The following ST7 variants were observed in gnomAD, a reference collection of about 807,000 sequenced individuals.
ST7 encodes the protein suppressor of tumorigenicity 7 protein.
In ST7, 28 loss-of-function variants were observed where a neutral mutation model predicts 78.7. That is an observed-to-expected ratio of 0.36 (90% CI 0.26 to 0.49). The LOEUF (loss-of-function observed/expected upper bound fraction) is 0.49. Ranked by LOEUF, ST7 falls within the 20% of genes least tolerant of loss-of-function variation. The pLI is 0.99. For missense variants in ST7, 418 were observed against 696.0 expected (o/e 0.60, Z 4.49); for synonymous variants, 247 against 249.6 (o/e 0.99, Z 0.10).
At chr7:117,040,091 A>T (rs762321827) in intron 1 of ST7, among the ~76,000 whole-genome samples, 1 of 152,102 alleles carries the variant, frequency 6.6e-6, no homozygotes, top group Non-Finnish European at 1.5e-5. Flanking sequence ...ACAGAGCTAG[A>T]GGCTGGGCTC....
Position 117,073,481 on chromosome 7 carries a change from A to G in ST7, c.152-26281A>G, listed in dbSNP as rs755681524. On this transcript the variant is annotated intron_variant, in intron 1 of 15. Coordinates refer to ENST00000323984, the MANE Select transcript of ST7 (RefSeq NM_001369598.1). ...CCATCTATCCTGAGGAAGGTCCACA[A>G]TTATTGAATAATAACTGCCTAAAGT... Among the ~76,000 whole-genome samples, 9 of 152,234 alleles carry G rather than the reference A, an allele frequency of 5.9e-5. 1 individual carries two copies. Among genetic ancestry groups the G allele is most frequent in the Non-Finnish European group, 1.2e-4 (8 of 68,040 alleles).
Position 116,985,873 on chromosome 7 carries a change from C to G in ST7, c.151+32182C>G, listed in dbSNP as rs558300456. 6.6e-5 allele frequency among the ~76,000 whole-genome samples: 10 copies of G among 152,350 alleles called. No homozygotes were observed. In the East Asian group the frequency reaches 1.9e-3, roughly 29 times the overall value. On this transcript the variant is annotated intron_variant, in intron 1 of 15. Transcript: ENST00000323984. Reference sequence around the variant, plus strand: ...TTTGAGACAGAGTCTCGCTCTGTTGCTGAGGCTGGAGTGTAGTAGCATGAT... The same window carrying G: ...TTTGAGACAGAGTCTCGCTCTGTTGGTGAGGCTGGAGTGTAGTAGCATGAT...
chr7:117,010,141 G>T (rs188346119), intron 1 of ST7, among the ~76,000 whole-genome samples: 118 of 152,336 alleles, frequency 7.7e-4, no homozygotes, highest in Middle Eastern at 6.8e-3. Flanking sequence ...CTTGGTTCTA[G>T]GTTCTAGGTA....
intron 1 of ST7, among the ~76,000 whole-genome samples, chr7:116,980,774 TA>T (rs1180331671): frequency 6.6e-6 from 1 of 152,256 alleles, no homozygotes; most frequent in African/African-American, 2.4e-5. Flanking sequence ...CTTTAGTGTA[TA>T]TTTCATACAA....
intron 2 of ST7, among the ~76,000 whole-genome samples, chr7:117,107,116 T>C (rs1013621278): frequency 2.6e-5 from 4 of 151,108 alleles, no homozygotes; most frequent in Non-Finnish European, 5.9e-5. Flanking sequence ...TGTATGTGTA[T>C]ATATATATAT....
At chr7:117,223,724 T>A (rs1474861763) in intron 15 of ST7, 1 of 153,034 alleles carries the variant, frequency 6.5e-6, no homozygotes, top group Admixed American at 6.5e-5. Flanking sequence ...CCCGCAGTAT[T>A]CCATGAATAC....
At chr7:117,047,872 C>T (rs948720383) in intron 1 of ST7, among the ~76,000 whole-genome samples, 2 of 152,088 alleles carry the variant, frequency 1.3e-5, no homozygotes, top group Admixed American at 1.3e-4. Flanking sequence ...TATTAATATA[C>T]AGTTGACCCT....
chr7:117,111,120 C>T (rs545800802), intron 2 of ST7, among the ~76,000 whole-genome samples: 20 of 152,112 alleles, frequency 1.3e-4, no homozygotes, highest in Admixed American at 2.0e-4. Context: ...TGCCAGGCCT[C>T]GAAATGAACC....
At chr7:117,097,908 A>ATATATATATATATATATATATTTTTTTTT in intron 1 of ST7, among the ~76,000 whole-genome samples, 1 of 30,020 alleles carries the variant, frequency 3.3e-5, no homozygotes, top group Non-Finnish European at 5.4e-5. Flanking sequence ...ATATATATAT[A>ATATATATATATATATATATATTTTTTTTT]TTTTTTTTTT....
intron 9 of ST7, among the ~76,000 whole-genome samples, chr7:117,158,410 TA>T (rs1415863590): frequency 6.6e-6 from 1 of 152,222 alleles, no homozygotes; most frequent in Non-Finnish European, 1.5e-5. Flanking sequence ...ATTATTTAGA[TA>T]ACCTTCCAGC....
intron 1 of ST7, among the ~76,000 whole-genome samples, chr7:117,034,819 AC>A (rs1294129903): frequency 2.0e-5 from 3 of 152,124 alleles, no homozygotes; most frequent in Admixed American, 6.5e-5. Context: ...AATTTCATAA[AC>A]CCTTTTTGAC....
At chr7:117,195,584 G>T (rs1810233754) in intron 12 of ST7, among the ~76,000 whole-genome samples, 1 of 152,120 alleles carries the variant, frequency 6.6e-6, no homozygotes, top group Non-Finnish European at 1.5e-5. Context: ...TAGCGGAAGG[G>T]GAAGTAAACA....
intron 9 of ST7, among the ~76,000 whole-genome samples, chr7:117,167,607 T>A (rs755724783): frequency 9.2e-5 from 14 of 152,038 alleles, no homozygotes; most frequent in African/African-American, 1.2e-4. Context: ...CCCATGGAGA[T>A]GCTGATGCTG....
At chr7:117,014,871 G>C (rs1419501736) in intron 1 of ST7, 2 of 625,734 alleles carry the variant, frequency 3.2e-6, no homozygotes, top group South Asian at 7.2e-5. Context: ...ATAAGCAGAA[G>C]TGTGGGTGTG....
At chr7:117,116,976 A>T (rs1223260527) in intron 2 of ST7, among the ~76,000 whole-genome samples, 1 of 152,194 alleles carries the variant, frequency 6.6e-6, no homozygotes, top group Non-Finnish European at 1.5e-5. Context: ...GGCACTTGGA[A>T]GTAAAGATTT....
intron 1 of ST7, among the ~76,000 whole-genome samples, chr7:117,050,125 G>C (rs1050825850): frequency 6.6e-6 from 1 of 150,972 alleles, no homozygotes; most frequent in Non-Finnish European, 1.5e-5. Context: ...TGAGCCAGGA[G>C]AATCACTTGA....
chr7:117,005,683 CT>C (rs952972526), intron 1 of ST7, among the ~76,000 whole-genome samples: 3 of 151,938 alleles, frequency 2.0e-5, no homozygotes, highest in African/African-American at 7.3e-5. Flanking sequence ...CAGACATCAA[CT>C]TAAAAATAAA....
intron 1 of ST7, among the ~76,000 whole-genome samples, chr7:117,011,058 G>T (rs1002962870): frequency 1.3e-5 from 2 of 152,190 alleles, no homozygotes; most frequent in Admixed American, 1.3e-4. Context: ...AGGCCACATT[G>T]TCCTAAGAGG....
At chr7:117,216,483 G>A (rs1792698613) in intron 13 of ST7, among the ~76,000 whole-genome samples, 1 of 151,938 alleles carries the variant, frequency 6.6e-6, no homozygotes, top group African/African-American at 2.4e-5. Flanking sequence ...ATTCTTATTA[G>A]CACCACCAAA....
Sources: allele counts gnomAD v4.1 joint callset (sites outside exome capture counted in the v4.1 genomes callset), GRCh38; gene constraint gnomAD v4.1.1; transcripts MANE v1.5; gene names NCBI Gene and HGNC (gene_info 2026-07-23, HGNC 2026-07-21).